Variants in SYNPR observed in about 807,000 individuals in gnomAD.
SYNPR encodes synaptoporin.
Under a neutral mutation model 32.9 loss-of-function variants are expected in SYNPR, and 23 were observed. The ratio of observed to expected loss-of-function variants is 0.70; its 90% CI spans 0.50 to 0.99. The LOEUF (loss-of-function observed/expected upper bound fraction) is 0.99, where lower values mean the gene tolerates loss of function less well. Ranked by LOEUF, SYNPR falls within the 50% of genes least tolerant of loss-of-function variation. The pLI is 0.00. For missense variants in SYNPR, 318 were observed against 349.3 expected, an observed-to-expected ratio of 0.91 and a Z score of 0.71; for synonymous variants, 146 against 135.9, an observed-to-expected ratio of 1.07 and a Z score of -0.52.
chr3:63,468,716 G>A (rs1379895140), intron 2 of SYNPR, among the ~76,000 whole-genome samples: 2 of 152,112 alleles, frequency 1.3e-5, no homozygotes, highest in Non-Finnish European at 2.9e-5. Flanking sequence ...CGTGAGGATG[G>A]CTTGAACCCA....
At chr3:63,239,354 T>C (rs1189677004) in intron 1 of SYNPR, among the ~76,000 whole-genome samples, 3 of 151,264 alleles carry the variant, frequency 2.0e-5, no homozygotes, top group South Asian at 2.1e-4. Context: ...CATCCTACCA[T>C]TGTCACCCAT....
chr3:63,580,517 T>C (rs1703072034), intron 4 of SYNPR, among the ~76,000 whole-genome samples: 1 of 152,132 alleles, frequency 6.6e-6, no homozygotes, highest in Non-Finnish European at 1.5e-5. Context: ...GGGTAGCTAT[T>C]GTGTAGTCTC....
intron 2 of SYNPR, among the ~76,000 whole-genome samples, chr3:63,391,270 T>G (rs1017731635): frequency 5.3e-5 from 8 of 152,164 alleles, no homozygotes; most frequent in African/African-American, 1.9e-4. Flanking sequence ...ACATAGGAAG[T>G]CCATAAAATT....
chr3:63,451,075 C>T (rs757964588), intron 2 of SYNPR, among the ~76,000 whole-genome samples: 21 of 152,172 alleles, frequency 1.4e-4, no homozygotes, highest in Non-Finnish European at 2.5e-4. Context: ...TTGGGGCCTT[C>T]GTATCTTCAT....
At chr3:63,429,044 G>A (rs761250599) in intron 2 of SYNPR, among the ~76,000 whole-genome samples, 1 of 152,160 alleles carries the variant, frequency 6.6e-6, no homozygotes, top group Non-Finnish European at 1.5e-5. Flanking sequence ...GAACTGGAAG[G>A]CATATGGAAA....
intron 2 of SYNPR, among the ~76,000 whole-genome samples, chr3:63,364,988 A>C (rs2198137): frequency 6.6e-6 from 1 of 152,062 alleles, no homozygotes; most frequent in Non-Finnish European, 1.5e-5. Flanking sequence ...ATTAAGAATA[A>C]AGATAAATGA....
At chr3:63,433,708 T>C (rs547515764) in intron 2 of SYNPR, among the ~76,000 whole-genome samples, 1 of 152,266 alleles carries the variant, frequency 6.6e-6, no homozygotes, top group East Asian at 1.9e-4. Context: ...ATCCGAGGGT[T>C]CGGGAAGGTG....
chr3:63,584,500 G>C (rs767259036), intron 4 of SYNPR, among the ~76,000 whole-genome samples: 2 of 152,008 alleles, frequency 1.3e-5, no homozygotes, highest in South Asian at 2.1e-4. Context: ...AATAAACCAA[G>C]TGTGGTCTGG....
chr3:63,318,797 T>A (rs2087073480), intron 2 of SYNPR, among the ~76,000 whole-genome samples: 1 of 152,028 alleles, frequency 6.6e-6, no homozygotes, highest in Admixed American at 6.6e-5. Flanking sequence ...CCATTGCTGG[T>A]GAACTAGTGT....
intron 4 of SYNPR, among the ~76,000 whole-genome samples, chr3:63,589,480 A>C (rs1419935566): frequency 6.6e-6 from 1 of 152,058 alleles, no homozygotes; most frequent in Non-Finnish European, 1.5e-5. Context: ...GTAAACCCCA[A>C]AGCCGGGCAG....
At chr3:63,201,102 T>TA in the SYNPR span, among the ~76,000 whole-genome samples, 1 of 152,112 alleles carries the variant, frequency 6.6e-6, no homozygotes, top group Non-Finnish European at 1.5e-5. Flanking sequence ...TAAACTTCCC[T>TA]AAAAAAGAGA....
intron 3 of SYNPR, among the ~76,000 whole-genome samples, chr3:63,517,409 T>G (rs184970506): frequency 6.6e-6 from 1 of 152,030 alleles, no homozygotes; most frequent in African/African-American, 2.4e-5. Context: ...CTTTAAGAAG[T>G]AGAGAACAGT....
chr3:63,293,306 G>T (rs1255800121), intron 2 of SYNPR, among the ~76,000 whole-genome samples: 1 of 149,924 alleles, frequency 6.7e-6, no homozygotes, highest in Non-Finnish European at 1.5e-5. Context: ...AAGAATATTT[G>T]TCTTTGGGGT....
chr3:63,513,200 C>T (rs13086978), intron 3 of SYNPR, among the ~76,000 whole-genome samples: 28,767 of 131,044 alleles, frequency 0.22, 3,161 homozygotes, highest in Admixed American at 0.28. Flanking sequence ...ATTTGTTGTC[C>T]ATTTGTTTCT....
At chr3:63,510,608 T>G (rs1701677884) in intron 3 of SYNPR, among the ~76,000 whole-genome samples, 1 of 152,174 alleles carries the variant, frequency 6.6e-6, no homozygotes, top group Non-Finnish European at 1.5e-5. Context: ...TAAAGTTAGA[T>G]TCTTACTTTC....
the SYNPR span, among the ~76,000 whole-genome samples, chr3:63,220,626 T>G: frequency 6.6e-6 from 1 of 152,188 alleles, no homozygotes. Context: ...AGCCTCCCTC[T>G]TCTTCACTCC....
At chr3:63,344,602 G>C (rs931347883) in intron 2 of SYNPR, among the ~76,000 whole-genome samples, 6 of 142,326 alleles carry the variant, frequency 4.2e-5, no homozygotes, top group African/African-American at 1.6e-4. Context: ...AGTGTGTAAG[G>C]GAACCAACAA....
intron 2 of SYNPR, among the ~76,000 whole-genome samples, chr3:63,304,210 C>A (rs1235553119): frequency 6.6e-6 from 1 of 151,936 alleles, no homozygotes; most frequent in African/African-American, 2.4e-5. Context: ...TCCTTTTCTG[C>A]AAGTGGGTTC....
At chr3:63,414,146 A>G (rs1412919401) in intron 2 of SYNPR, among the ~76,000 whole-genome samples, 1 of 152,098 alleles carries the variant, frequency 6.6e-6, no homozygotes, top group Non-Finnish European at 1.5e-5. Context: ...ATTGTGAATA[A>G]GATAATGATT....
Sources: gnomAD v4.1 joint callset for allele counts (sites outside exome capture counted in the v4.1 genomes callset) on GRCh38, gnomAD v4.1.1 for gene constraint, MANE v1.5 for transcripts, NCBI Gene and HGNC (gene_info 2026-07-23, HGNC 2026-07-21) for gene names.